Variants in SAP18 observed in about 807,000 individuals in gnomAD.
SAP18 encodes the protein Sin3A associated protein 18.
A neutral mutation model predicts 18.6 loss-of-function variants in SAP18; 4 were observed. The ratio of observed to expected loss-of-function variants is 0.21; its 90% CI spans 0.11 to 0.49. The LOEUF (loss-of-function observed/expected upper bound fraction) is 0.49, where lower values mean the gene tolerates loss of function less well. Ranked by LOEUF, SAP18 falls within the 20% of genes least tolerant of loss-of-function variation. SAP18 has a pLI of 0.98. For synonymous variants in SAP18, 112 were observed against 82.8 expected (o/e 1.35, Z -1.92); for missense variants, 170 against 226.4 (o/e 0.75, Z 1.60).
chr13:21,145,365 A>G (rs75250240), intron 2 of SAP18, among the ~76,000 whole-genome samples: 7,213 of 152,250 alleles, frequency 0.047, 246 homozygotes, highest in Middle Eastern at 0.078. Flanking sequence ...CAAAAATTCT[A>G]AAATTTGAAA....
exon 1 of SAP18, chr13:21,140,551 T>A (rs955130207): frequency 4.4e-6 from 7 of 1,586,002 alleles, no homozygotes; most frequent in Non-Finnish European, 6.0e-6. Flanking sequence ...GACTTAGTGC[T>A]CATGCTCGCT....
chr13:21,140,604 A>C (rs750433806), exon 1 of SAP18: 17 of 1,611,710 alleles, frequency 1.1e-5, no homozygotes, highest in Non-Finnish European at 1.4e-5. Context: ...AGGCCGTAGG[A>C]GGAAGATGGC....
intron 2 of SAP18, chr13:21,146,389 T>G (rs1869652041): frequency 6.4e-6 from 1 of 155,326 alleles, no homozygotes; most frequent in Non-Finnish European, 1.4e-5. Flanking sequence ...GTACATTGAT[T>G]CTAAGATACA....
chr13:21,147,154 G>A (rs769550485), intron 3 of SAP18, 32 bp from the exon 4 acceptor site: 2 of 1,593,852 alleles, frequency 1.3e-6, no homozygotes, highest in Admixed American at 3.6e-5. Flanking sequence ...CATTGATTTG[G>A]ATCCATTAAC....
chr13:21,148,886 T>C (rs1424182457), exon 4 of SAP18: 2 of 152,216 alleles, frequency 1.3e-5, no homozygotes, highest in Non-Finnish European at 2.9e-5. Context: ...GGTTCCAACA[T>C]GGAATTTCTC....
At chr13:21,147,648 T>G (rs1869694783) in exon 4 of SAP18, 1 of 259,452 alleles carries the variant, frequency 3.9e-6, no homozygotes, top group African/African-American at 2.3e-5. Context: ...GGGTTTATAC[T>G]AAGTAGTGGA....
At chr13:21,143,582 C>T (rs1869541731) in intron 2 of SAP18, among the ~76,000 whole-genome samples, 1 of 152,062 alleles carries the variant, frequency 6.6e-6, no homozygotes, top group Non-Finnish European at 1.5e-5. Flanking sequence ...TCCTATTTGC[C>T]AGGTGCTGTG....
chr13:21,147,198 T>G (rs1029458992), exon 4 of SAP18: 1 of 1,613,026 alleles, frequency 6.2e-7, no homozygotes, highest in Non-Finnish European at 8.5e-7. Context: ...TTAAGGAGAT[T>G]GGCAGCACCA....
In SAP18 at chr13:21,147,570, A is replaced by G. The variant is rs1595290674; in HGVS notation, c.*228A>G. The G allele has an allele frequency of 6.7e-5, 33 of 495,434 alleles. 1 individual carries two copies. In the South Asian group the frequency reaches 8.4e-4, roughly 13 times the overall value. The allele number at this position is 495,434 out of a possible 1,614,324, so 30.7% of individuals were successfully genotyped here. A position where few individuals can be genotyped will look rare whatever the true frequency, so the allele number is the denominator to read the frequency against. ...GAAAAGTGCTCTTAGCATTCTGTGT[A>G]AAACTGTACTGTTAAATATATGTGT... is the stretch of plus-strand genomic sequence containing the variant. On this transcript the variant is annotated 3_prime_UTR_variant, in exon 4 of 4. Coordinates refer to ENST00000621421, the Ensembl canonical transcript of SAP18.
chr13:21,146,469 C>T (rs1016910665), intron 2 of SAP18: 4 of 171,768 alleles, frequency 2.3e-5, no homozygotes, highest in Non-Finnish European at 5.0e-5. Context: ...ATCTATTTTG[C>T]ATATTTGGAT....
At chr13:21,148,217 C>A (rs953204205) in exon 4 of SAP18, 3 of 152,084 alleles carry the variant, frequency 2.0e-5, no homozygotes, top group Non-Finnish European at 4.4e-5. Context: ...GACTCTGCAA[C>A]CTTGGATAAA....
rs143797734 is a variant in SAP18 at position 21,141,319 on chromosome 13, T to C, written c.239+324T>C. The C allele has an allele frequency of 1.8e-3, 609 of 347,894 alleles. 4 individuals are homozygous for C. The highest frequency in any genetic ancestry group is 0.012 in the African/African-American group (566 of 47,894). The allele number at this position is 347,894 out of a possible 1,614,324, so 21.6% of individuals were successfully genotyped here. A position where few individuals can be genotyped will look rare whatever the true frequency, so the allele number is the denominator to read the frequency against. Reference sequence around the variant, plus strand: ...GTAGTATCTGCCCTAAAGGGACTCATAGTCAAATAAATTGCACTAGGACAA... The same window carrying C: ...GTAGTATCTGCCCTAAAGGGACTCACAGTCAAATAAATTGCACTAGGACAA... On this transcript the variant is annotated intron_variant, in intron 2 of 3. Coordinates refer to ENST00000621421, the Ensembl canonical transcript of SAP18.
chr13:21,143,731 C>T (rs1004245813), intron 2 of SAP18, among the ~76,000 whole-genome samples: 1 of 151,994 alleles, frequency 6.6e-6, no homozygotes, highest in Non-Finnish European at 1.5e-5. Flanking sequence ...AGACCTTCCA[C>T]TCTGAATCAA....
Position 21,147,651 on chromosome 13 carries a change from G to GT in SAP18, c.*310dup, listed in dbSNP as rs1337656177. 1.6e-5 allele frequency: 4 copies of GT among 251,430 alleles called. No homozygotes were observed. In the Admixed American group the frequency reaches 1.6e-4, roughly 10 times the overall value. 15.6% of individuals were successfully genotyped at this position (251,430 alleles called of 1,614,324 possible). A position where few individuals can be genotyped will look rare whatever the true frequency, so the allele number is the denominator to read the frequency against. On this transcript the variant is annotated 3_prime_UTR_variant, in exon 4 of 4. Transcript: ENST00000621421. Reference sequence around the variant, plus strand: ...GGCCTGGGAACAGGGTTTATACTAAGTAGTGGAGGAGCGTATGGTTAAGCC... The same window carrying GT: ...GGCCTGGGAACAGGGTTTATACTAAGTTAGTGGAGGAGCGTATGGTTAAGCC...
chr13:21,146,072 G>A (rs1463056419), intron 2 of SAP18, among the ~76,000 whole-genome samples: 3 of 152,214 alleles, frequency 2.0e-5, no homozygotes, highest in Admixed American at 2.0e-4. Context: ...GCTGGGCGCA[G>A]TGGCTCACGC....
At chr13:21,145,919 C>T (rs1409027917) in intron 2 of SAP18, among the ~76,000 whole-genome samples, 3 of 152,186 alleles carry the variant, frequency 2.0e-5, no homozygotes, top group African/African-American at 7.2e-5. Flanking sequence ...AAGTTGGATT[C>T]AAGTCAATAT....
chr13:21,147,054 G>C, intron 3 of SAP18, 127 bp downstream of exon 3: 1 of 1,422,904 alleles, frequency 7.0e-7, no homozygotes, highest in Non-Finnish European at 9.6e-7. Flanking sequence ...ACGTGGTTTG[G>C]CTTAATAAAG....
chr13:21,143,711 G>A (rs1272302233), intron 2 of SAP18, among the ~76,000 whole-genome samples: 1 of 151,974 alleles, frequency 6.6e-6, no homozygotes. Flanking sequence ...GCAGGGTGAG[G>A]TTGTTCCACA....
intron 2 of SAP18, 95 bp from the exon 3 acceptor site, chr13:21,146,710 C>A: frequency 2.0e-6 from 2 of 978,252 alleles, no homozygotes; most frequent in Non-Finnish European, 2.9e-6. Flanking sequence ...TAAATCACAA[C>A]TCAGATATAT....
Sources: gnomAD v4.1 joint callset for allele counts (sites outside exome capture counted in the v4.1 genomes callset) on GRCh38, gnomAD v4.1.1 for gene constraint, MANE v1.5 for transcripts, NCBI Gene and HGNC (gene_info 2026-07-23, HGNC 2026-07-21) for gene names.